Variants in CNTNAP2 observed in about 807,000 individuals in gnomAD.
The protein encoded by CNTNAP2 is contactin-associated protein-like 2.
A neutral mutation model predicts 155.2 loss-of-function variants in CNTNAP2; 98 were observed. That is an observed-to-expected ratio of 0.63 (90% CI 0.54 to 0.75). The LOEUF is 0.75. CNTNAP2 is among the 30% of genes least tolerant of loss of function. CNTNAP2 has a pLI of 0.00. For missense variants in CNTNAP2, 1,727 were observed against 1,688.1 expected, an observed-to-expected ratio of 1.02 and a Z score of -0.40; for synonymous variants, 651 against 631.2, an observed-to-expected ratio of 1.03 and a Z score of -0.47.
chr7:146,205,952 A>G (rs2116875906), intron 1 of CNTNAP2, among the ~76,000 whole-genome samples: 1 of 152,046 alleles, frequency 6.6e-6, no homozygotes, highest in South Asian at 2.1e-4. Context: ...AACCAGGAAA[A>G]AGCAGGCTCC....
intron 18 of CNTNAP2, among the ~76,000 whole-genome samples, chr7:148,201,282 A>C (rs886108287): frequency 5.9e-5 from 9 of 152,220 alleles, no homozygotes; most frequent in African/African-American, 1.9e-4. Flanking sequence ...AGGCAAGAGA[A>C]AGAAGAGGTG....
intron 21 of CNTNAP2, among the ~76,000 whole-genome samples, chr7:148,301,310 T>C (rs1218683143): frequency 6.2e-5 from 8 of 129,428 alleles, no homozygotes; most frequent in Non-Finnish European, 1.3e-4. Context: ...AAAAAAAATA[T>C]ATATATATAT....
chr7:146,718,337 T>A (rs1387814886), intron 1 of CNTNAP2, among the ~76,000 whole-genome samples: 1 of 152,164 alleles, frequency 6.6e-6, no homozygotes, highest in Non-Finnish European at 1.5e-5. Flanking sequence ...CAAAGAGAAG[T>A]TTCTCAAAAA....
intron 15 of CNTNAP2, among the ~76,000 whole-genome samples, chr7:148,050,096 T>C (rs1370942683): frequency 6.6e-6 from 1 of 152,064 alleles, no homozygotes; most frequent in Non-Finnish European, 1.5e-5. Flanking sequence ...CGGGAGGCAG[T>C]TTGCAGTAAG....
intron 1 of CNTNAP2, among the ~76,000 whole-genome samples, chr7:146,621,896 C>A (rs955320693): frequency 5.9e-5 from 9 of 151,922 alleles, no homozygotes; most frequent in African/African-American, 2.2e-4. Context: ...TTATTCCTCC[C>A]CATTTATTCA....
chr7:147,451,941 A>G (rs2116570293), intron 10 of CNTNAP2, among the ~76,000 whole-genome samples: 1 of 152,300 alleles, frequency 6.6e-6, no homozygotes, highest in South Asian at 2.1e-4. Context: ...CACCATCTGC[A>G]AGGGGAAGAG....
At chr7:146,937,861 G>A (rs753511463) in intron 3 of CNTNAP2, among the ~76,000 whole-genome samples, 2 of 152,194 alleles carry the variant, frequency 1.3e-5, no homozygotes, top group Non-Finnish European at 2.9e-5. Flanking sequence ...TCAGTGTTCT[G>A]ATGGTAGAAG....
intron 13 of CNTNAP2, among the ~76,000 whole-genome samples, chr7:147,806,940 A>G (rs1188723919): frequency 6.6e-6 from 1 of 152,186 alleles, no homozygotes; most frequent in East Asian, 1.9e-4. Flanking sequence ...TGGTAGCACA[A>G]TAGGGTGACT....
chr7:146,534,726 A>G (rs1797821015), intron 1 of CNTNAP2, among the ~76,000 whole-genome samples: 2 of 151,888 alleles, frequency 1.3e-5, no homozygotes, highest in African/African-American at 4.8e-5. Context: ...CAATTTAGAC[A>G]TTACCAGTAG....
chr7:147,891,025 A>C (rs1414203291), intron 13 of CNTNAP2, among the ~76,000 whole-genome samples: 2 of 152,216 alleles, frequency 1.3e-5, no homozygotes, highest in Non-Finnish European at 2.9e-5. Context: ...TCAAAACATC[A>C]TGTTGTATGT....
chr7:148,288,975 A>AG, intron 21 of CNTNAP2, among the ~76,000 whole-genome samples: 2 of 148,150 alleles, frequency 1.3e-5, no homozygotes, highest in Non-Finnish European at 3.0e-5. Flanking sequence ...AAAAAGAGAG[A>AG]AAAACCCACT....
intron 15 of CNTNAP2, among the ~76,000 whole-genome samples, chr7:148,028,418 G>C (rs780501657): frequency 2.4e-4 from 37 of 152,082 alleles, no homozygotes; most frequent in African/African-American, 8.2e-4. Context: ...TTTAACCCAG[G>C]CTCTCTGAAC....
intron 14 of CNTNAP2, among the ~76,000 whole-genome samples, chr7:147,960,725 T>C (rs778937223): frequency 5.3e-5 from 8 of 152,158 alleles, no homozygotes; most frequent in Non-Finnish European, 1.0e-4. Flanking sequence ...TTATGCTGTC[T>C]CCCTGTGGTG....
chr7:146,511,660 T>C (rs371386956), intron 1 of CNTNAP2, among the ~76,000 whole-genome samples: 44 of 152,310 alleles, frequency 2.9e-4, no homozygotes, highest in African/African-American at 9.9e-4. Context: ...CTTTTTAATA[T>C]GTTATTGAAT....
intron 15 of CNTNAP2, among the ~76,000 whole-genome samples, chr7:148,107,405 T>A (rs1804246715): frequency 6.6e-6 from 1 of 152,244 alleles, no homozygotes; most frequent in Non-Finnish European, 1.5e-5. Context: ...CCCGCAAACT[T>A]GTCCTCTGAT....
chr7:146,936,027 C>T (rs540612446), intron 3 of CNTNAP2, among the ~76,000 whole-genome samples: 2 of 152,098 alleles, frequency 1.3e-5, no homozygotes, highest in Non-Finnish European at 2.9e-5. Flanking sequence ...ACAGAAATGA[C>T]AAGAGCTGAA....
intron 1 of CNTNAP2, among the ~76,000 whole-genome samples, chr7:146,147,260 ACTCT>A (rs1422239871): frequency 6.6e-6 from 1 of 151,946 alleles, no homozygotes; most frequent in Non-Finnish European, 1.5e-5. Context: ...AAGGAAGCAC[ACTCT>A]CTCTTGTTTT....
Position 147,624,061 on chromosome 7 carries a change from C to T in CNTNAP2, c.1898-15045C>T, listed in dbSNP as rs183814266. ...TCTGGGAAAACTGAATGTTCATATGCGGAAGAATGAAACTAGACTTCTGTC... is the reference window on the plus strand; with the variant it reads ...TCTGGGAAAACTGAATGTTCATATGTGGAAGAATGAAACTAGACTTCTGTC... On this transcript the variant is annotated intron_variant, in intron 12 of 23. Transcript: ENST00000361727. Among the ~76,000 whole-genome samples the T allele has an allele frequency of 6.8e-4, 103 of 152,084 alleles. 1 individual carries two copies. Among genetic ancestry groups the T allele is most frequent in the Admixed American group, 2.4e-3 (37 of 15,270 alleles).
intron 1 of CNTNAP2, among the ~76,000 whole-genome samples, chr7:146,322,603 G>A (rs560402050): frequency 1.2e-4 from 16 of 136,418 alleles, no homozygotes; most frequent in Non-Finnish European, 2.1e-4. Flanking sequence ...TTTTTCTCCT[G>A]TGAATAAGAG....
Sources: allele counts gnomAD v4.1 joint callset (sites outside exome capture counted in the v4.1 genomes callset), GRCh38; gene constraint gnomAD v4.1.1; transcripts MANE v1.5; gene names NCBI Gene and HGNC (gene_info 2026-07-23, HGNC 2026-07-21).